CR1: variants seen among roughly 807,000 people sequenced by gnomAD.
CR1 encodes complement C3b/C4b receptor 1 (Knops blood group), also known as complement receptor type 1.
Under a neutral mutation model 187.3 loss-of-function variants are expected in CR1, and 116 were observed. The observed-to-expected ratio is 0.62, with a 90% confidence interval of 0.53 to 0.72. CR1 has a LOEUF of 0.72. Among genes scored for constraint, CR1 ranks in the 30% least tolerant of loss-of-function variants. The pLI, the probability that CR1 is intolerant of heterozygous loss-of-function variation, is 0.00. For synonymous variants in CR1, 576 were observed against 747.1 expected (o/e 0.77, Z 3.73); for missense variants, 1,731 against 2,110.7 (o/e 0.82, Z 3.52).
intron 35 of CR1, among the ~76,000 whole-genome samples, chr1:207,592,454 A>G (rs2102360409): frequency 6.6e-6 from 1 of 152,336 alleles, no homozygotes; most frequent in Middle Eastern, 3.4e-3. Flanking sequence ...CCAAAATAAT[A>G]GGAGCTATTT....
intron 23 of CR1, among the ~76,000 whole-genome samples, chr1:207,565,604 C>A (rs537491856): frequency 6.7e-6 from 1 of 150,104 alleles, no homozygotes; most frequent in Non-Finnish European, 1.5e-5. Context: ...TATGTCATGA[C>A]CACCTTTTTC....
At chr1:207,513,601 G>A (rs542892127) in intron 4 of CR1, among the ~76,000 whole-genome samples, 3 of 152,250 alleles carry the variant, frequency 2.0e-5, no homozygotes, top group East Asian at 1.9e-4. Flanking sequence ...GTCCAGAACC[G>A]TACAGAGAAA....
intron 35 of CR1, among the ~76,000 whole-genome samples, chr1:207,600,240 T>C (rs1432941934): frequency 6.6e-6 from 1 of 152,164 alleles, no homozygotes; most frequent in African/African-American, 2.4e-5. Context: ...CTTCAATTCT[T>C]GTCATTATGC....
intron 45 of CR1, among the ~76,000 whole-genome samples, chr1:207,629,524 C>A (rs1199547397): frequency 6.6e-6 from 1 of 152,180 alleles, no homozygotes; most frequent in Non-Finnish European, 1.5e-5. Context: ...CTTCCCTGTC[C>A]TGTGAAAACT....
chr1:207,576,531 T>C (rs1361239370), intron 28 of CR1, among the ~76,000 whole-genome samples: 1 of 152,228 alleles, frequency 6.6e-6, no homozygotes, highest in African/African-American at 2.4e-5. Flanking sequence ...AAAGATGTTA[T>C]ACTGAGCCAC....
chr1:207,564,244 A>C lies in CR1; in HGVS notation c.3866+10A>C, dbSNP rs755588930. On this transcript the variant is annotated intron_variant, in intron 23 of 46. Transcript: ENST00000367049. Reference sequence around the variant, plus strand: ...TTGTTTGTGATGAAGGGTGAGTATGAGCTTGCCTGACCTGCTGGACATTGA... The same window carrying C: ...TTGTTTGTGATGAAGGGTGAGTATGCGCTTGCCTGACCTGCTGGACATTGA... 8 of 1,482,778 alleles carry C rather than the reference A, an allele frequency of 5.4e-6. No homozygotes were observed. Among genetic ancestry groups the C allele is most frequent in the South Asian group, 1.4e-5 (1 of 73,306 alleles). 91.9% of individuals were successfully genotyped at this position (1,482,778 alleles called of 1,614,324 possible).
At chr1:207,616,006 T>A (rs531309580) in intron 40 of CR1, among the ~76,000 whole-genome samples, 1 of 152,252 alleles carries the variant, frequency 6.6e-6, no homozygotes, top group Admixed American at 6.5e-5. Context: ...GGCTAATAAT[T>A]GGAAGAAATC....
intron 45 of CR1, among the ~76,000 whole-genome samples, chr1:207,630,230 T>C (rs1347778332): frequency 2.0e-5 from 3 of 152,216 alleles, no homozygotes; most frequent in African/African-American, 7.2e-5. Flanking sequence ...ATCAAAATTA[T>C]GTCAGAAATA....
chr1:207,631,085 T>C (rs1662631773), intron 46 of CR1, among the ~76,000 whole-genome samples: 1 of 152,218 alleles, frequency 6.6e-6, no homozygotes, highest in Admixed American at 6.5e-5. Context: ...CCTCTTTGAC[T>C]GCTCCTTCTT....
At chr1:207,612,622 C>G (rs574718674) in intron 39 of CR1, among the ~76,000 whole-genome samples, 1 of 152,242 alleles carries the variant, frequency 6.6e-6, no homozygotes, top group African/African-American at 2.4e-5. Flanking sequence ...CCAGGCTCAC[C>G]GCAGGAAACA....
intron 35 of CR1, among the ~76,000 whole-genome samples, chr1:207,590,509 C>A (rs1340002273): frequency 6.6e-6 from 1 of 152,118 alleles, no homozygotes; most frequent in Non-Finnish European, 1.5e-5. Context: ...CAAAAACATA[C>A]CAAATTGTAA....
chr1:207,609,619 G>T lies in CR1; in HGVS notation c.6226G>T (p.Val2076Leu). The T allele has an allele frequency of 6.2e-7, 1 of 1,611,522 alleles. No individual in the cohort carries two copies. Among genetic ancestry groups the T allele is most frequent in the Non-Finnish European group, 8.5e-7 (1 of 1,178,766 alleles). ...TAGATGTCAGCCCGGGTTTGTCATG[G>T]TAGGGTCCCACACTGTGCAGTGCCA... ...RFRCQPGFVM[V>L]GSHTVQCQTN... Residue 2076 changes from valine (V) to leucine (L), a missense_variant, in exon 37 of 47, where the codon GTA (valine) becomes TTA (leucine). Transcript: ENST00000367049.
intron 1 of CR1, among the ~76,000 whole-genome samples, chr1:207,500,397 T>C (rs780558898): frequency 1.3e-5 from 2 of 152,242 alleles, no homozygotes; most frequent in African/African-American, 4.8e-5. Context: ...AGGGTAAGTA[T>C]GCAGAATGGA....
intron 4 of CR1, among the ~76,000 whole-genome samples, chr1:207,516,146 C>T (rs1659803072): frequency 6.6e-6 from 1 of 152,170 alleles, no homozygotes; most frequent in South Asian, 2.1e-4. Flanking sequence ...CCCTTGAGCA[C>T]AGAGGTTCAA....
At chr1:207,603,603 A>G (rs1661666806) in intron 35 of CR1, among the ~76,000 whole-genome samples, 1 of 152,148 alleles carries the variant, frequency 6.6e-6, no homozygotes, top group Admixed American at 6.6e-5. Context: ...ATCTTTATAT[A>G]TAGATATATT....
At chr1:207,582,149 GT>G (rs1660976881) in intron 32 of CR1, 146 bp downstream of exon 32, 1 of 492,136 alleles carries the variant, frequency 2.0e-6, no homozygotes. Flanking sequence ...TACAAGCAAT[GT>G]TTTGGGGAAA....
intron 1 of CR1, among the ~76,000 whole-genome samples, chr1:207,502,965 G>A (rs920877281): frequency 3.9e-5 from 6 of 152,170 alleles, no homozygotes; most frequent in Non-Finnish European, 7.3e-5. Context: ...GTGCATTCCC[G>A]ACAGCATAGG....
At chr1:207,595,031 A>C (rs1661387679) in intron 35 of CR1, among the ~76,000 whole-genome samples, 1 of 152,052 alleles carries the variant, frequency 6.6e-6, no homozygotes. Context: ...TATATGAGGC[A>C]TTTATAAGAT....
At chr1:207,516,927 T>G (rs1268684583) in intron 4 of CR1, among the ~76,000 whole-genome samples, 2 of 152,170 alleles carry the variant, frequency 1.3e-5, no homozygotes, top group African/African-American at 2.4e-5. Context: ...TTATGTCTTT[T>G]GTTTATTTCT....
Sources: allele counts gnomAD v4.1 joint callset (sites outside exome capture counted in the v4.1 genomes callset), GRCh38; gene constraint gnomAD v4.1.1; transcripts MANE v1.5; gene names NCBI Gene and HGNC (gene_info 2026-07-23, HGNC 2026-07-21).